Variants in NCK2 observed in about 807,000 individuals in gnomAD.
The protein encoded by NCK2 is cytoplasmic protein NCK2.
In NCK2, 16 loss-of-function variants were observed where a neutral mutation model predicts 33.9. The ratio of observed to expected loss-of-function variants is 0.47; its 90% CI spans 0.32 to 0.72. NCK2 has a LOEUF of 0.72. Among genes scored for constraint, NCK2 ranks in the 30% least tolerant of loss-of-function variants. The pLI is 0.03. For missense variants in NCK2, 418 were observed against 537.3 expected (o/e 0.78, Z 2.19); for synonymous variants, 273 against 239.9 (o/e 1.14, Z -1.27).
intron 1 of NCK2, among the ~76,000 whole-genome samples, chr2:105,798,901 AC>A (rs1235419252): frequency 6.6e-6 from 1 of 152,240 alleles, no homozygotes; most frequent in Non-Finnish European, 1.5e-5. Flanking sequence ...AGGAAGTTAT[AC>A]CAGGTTGTTG....
At chr2:105,806,254 T>C (rs1323752803) in intron 1 of NCK2, among the ~76,000 whole-genome samples, 5 of 142,470 alleles carry the variant, frequency 3.5e-5, no homozygotes, top group African/African-American at 1.2e-4. Flanking sequence ...TTTTTTTTTT[T>C]TGAGACAGAG....
chr2:105,835,409 G>GTATATATATATGTGTA (rs1676384408), intron 2 of NCK2, among the ~76,000 whole-genome samples: 1 of 59,328 alleles, frequency 1.7e-5, no homozygotes, highest in Non-Finnish European at 3.3e-5. Context: ...ATATATACGT[G>GTATATATATATGTGTA]TATATATATA....
In NCK2 at chr2:105,776,145, C is replaced by T. The variant is rs533130713; in HGVS notation, c.-201+31007C>T. On this transcript the variant is annotated intron_variant, in intron 1 of 4. Coordinates refer to ENST00000233154, the MANE Select transcript of NCK2 (RefSeq NM_003581.5). ...GGCCATGCCTGGCTGGGGACCTCCC[C>T]TAGGAATCTCAGTGCTCTGCCCTGC... Among the ~76,000 whole-genome samples the T allele has an allele frequency of 2.3e-3, 351 of 152,198 alleles. 2 individuals are homozygous for T. The highest frequency in any genetic ancestry group is 3.9e-3 in the Admixed American group (59 of 15,290).
At chr2:105,812,482 C>T (rs987632786) in intron 1 of NCK2, among the ~76,000 whole-genome samples, 2 of 152,216 alleles carry the variant, frequency 1.3e-5, no homozygotes, top group Non-Finnish European at 2.9e-5. Flanking sequence ...TTCCCTCAGA[C>T]AGCGCTGACC....
In NCK2 at chr2:105,770,258, T is replaced by G. The variant is rs960985417; in HGVS notation, c.-201+25120T>G. Reference sequence around the variant, plus strand: ...AATGTTAATATTCTGGACAGAATTCTTTTCTACAGAATTCTTTGAACTTTA... The same window carrying G: ...AATGTTAATATTCTGGACAGAATTCGTTTCTACAGAATTCTTTGAACTTTA... On this transcript the variant is annotated intron_variant, in intron 1 of 4. Coordinates refer to ENST00000233154, the MANE Select transcript of NCK2 (RefSeq NM_003581.5). Among the ~76,000 whole-genome samples the G allele has an allele frequency of 6.5e-4, 99 of 152,218 alleles. 1 individual carries two copies. The highest frequency in any genetic ancestry group is 1.5e-4 in the Non-Finnish European group (10 of 68,050).
At chr2:105,835,051 T>G (rs1277406506) in intron 2 of NCK2, among the ~76,000 whole-genome samples, 3 of 152,162 alleles carry the variant, frequency 2.0e-5, no homozygotes, top group African/African-American at 7.2e-5. Flanking sequence ...GGTTGCTTTG[T>G]ATATCCTTTG....
chr2:105,784,909 G>A (rs1690622690), intron 1 of NCK2, among the ~76,000 whole-genome samples: 1 of 152,228 alleles, frequency 6.6e-6, no homozygotes, highest in Non-Finnish European at 1.5e-5. Context: ...CTCCCAGTTT[G>A]AAATGCTTTC....
At chr2:105,796,568 C>T (rs73946300) in intron 1 of NCK2, among the ~76,000 whole-genome samples, 3 of 152,080 alleles carry the variant, frequency 2.0e-5, no homozygotes, top group Non-Finnish European at 4.4e-5. Flanking sequence ...GTGTTCAGAT[C>T]GGCAGCGTCT....
At chr2:105,834,101 G>C (rs1311972990) in intron 2 of NCK2, among the ~76,000 whole-genome samples, 2 of 152,162 alleles carry the variant, frequency 1.3e-5, no homozygotes, top group Non-Finnish European at 2.9e-5. Context: ...TGATGAAAGG[G>C]TGTATATTCT....
chr2:105,798,004 G>T (rs185326644), intron 1 of NCK2, among the ~76,000 whole-genome samples: 43 of 152,136 alleles, frequency 2.8e-4, no homozygotes, highest in East Asian at 2.5e-3. Flanking sequence ...TCATTTCCTA[G>T]GAGAAGAAAA....
rs922197239 is a variant in NCK2 at position 105,771,743 on chromosome 2, A to G, written c.-201+26605A>G. Among the ~76,000 whole-genome samples the G allele has an allele frequency of 3.3e-5, 5 of 152,236 alleles. 1 individual carries two copies. Among genetic ancestry groups the G allele is most frequent in the African/African-American group, 1.2e-4 (5 of 41,464 alleles). ...GCTTTGAGTTCATAAAGCTTTCTAG[A>G]AAAAGCATGTACCTGGGTTGACCGC... On this transcript the variant is annotated intron_variant, in intron 1 of 4. Transcript: ENST00000233154.
chr2:105,789,010 C>T (rs758332927), intron 1 of NCK2, among the ~76,000 whole-genome samples: 8 of 152,102 alleles, frequency 5.3e-5, no homozygotes, highest in South Asian at 2.1e-4. Flanking sequence ...ATTTAATGCA[C>T]GCTTCTCTGC....
rs778252444 is a variant in NCK2, at chr2:105,893,177, C to T, written c.*1C>T. The T allele has an allele frequency of 7.6e-6, 12 of 1,581,832 alleles. No individual in the cohort carries two copies. The highest frequency in any genetic ancestry group is 1.7e-4 in the Middle Eastern group (1 of 5,800). The stretch of plus-strand genomic sequence containing the variant: ...CTACCTCGTCAGGGCCCTGCAGTGA[C>T]GGCGCCCCGGCCCCACACTCGCCTC... On this transcript the variant is annotated 3_prime_UTR_variant, in exon 5 of 5. Coordinates refer to ENST00000233154, the MANE Select transcript of NCK2 (RefSeq NM_003581.5).
chr2:105,861,537 C>T (rs187463767), intron 3 of NCK2, among the ~76,000 whole-genome samples: 2,231 of 131,986 alleles, frequency 0.017, 31 homozygotes, highest in Non-Finnish European at 0.02. Flanking sequence ...TTTTTTGAGA[C>T]GGTGTCTTGC....
intron 1 of NCK2, among the ~76,000 whole-genome samples, chr2:105,746,098 C>T (rs193109189): frequency 1.6e-4 from 24 of 152,318 alleles, no homozygotes; most frequent in African/African-American, 5.8e-4. Context: ...GCCGAGCGTG[C>T]GTGGAGTCGG....
chr2:105,880,746 C>G (rs142163574), intron 3 of NCK2, among the ~76,000 whole-genome samples: 11 of 152,234 alleles, frequency 7.2e-5, no homozygotes, highest in Non-Finnish European at 1.5e-4. Context: ...AAACCACCTA[C>G]TCTTGTTATC....
chr2:105,860,569 G>A (rs1471657999), intron 3 of NCK2, among the ~76,000 whole-genome samples: 3 of 152,104 alleles, frequency 2.0e-5, no homozygotes, highest in African/African-American at 7.2e-5. Flanking sequence ...AGAACCGCAT[G>A]GGGAGGCCTT....
chr2:105,881,421 A>G lies in NCK2; in HGVS notation c.320A>G (p.Asp107Gly). Reference sequence around the variant, plus strand: ...TACCCCGCCAATGGCAGCGGCGCCGACCGCATCTACGACCTCAACATCCCG... The same window carrying G: ...TACCCCGCCAATGGCAGCGGCGCCGGCCGCATCTACGACCTCAACATCCCG... ...AEYPANGSGADRIYDLNIPAF... is the reference protein window; with the variant it reads ...AEYPANGSGAGRIYDLNIPAF... Residue 107 changes from aspartate (D) to glycine (G), a missense_variant, in exon 4 of 5, where the codon GAC becomes GGC. Physicochemically the swap from Asp to Gly is moderately conservative, Grantham distance 94. Coordinates refer to ENST00000233154, the MANE Select transcript of NCK2 (RefSeq NM_003581.5). The G allele has an allele frequency of 6.2e-7, 1 of 1,613,046 alleles. No homozygotes were observed. Among genetic ancestry groups the G allele is most frequent in the South Asian group, 1.1e-5 (1 of 91,082 alleles).
intron 1 of NCK2, among the ~76,000 whole-genome samples, chr2:105,761,102 C>T (rs1051195089): frequency 2.0e-5 from 3 of 152,154 alleles, no homozygotes; most frequent in African/African-American, 7.2e-5. Flanking sequence ...TAGATGGGGG[C>T]CAGAGTCTGC....
Sources: allele counts gnomAD v4.1 joint callset (sites outside exome capture counted in the v4.1 genomes callset), GRCh38; gene constraint gnomAD v4.1.1; transcripts MANE v1.5; gene names NCBI Gene and HGNC (gene_info 2026-07-23, HGNC 2026-07-21).